The following STAG1 variants were observed in gnomAD, a reference collection of about 807,000 sequenced individuals.
STAG1 encodes STAG1 cohesin complex component, also known as cohesin subunit SA-1.
In STAG1, 26 loss-of-function variants were observed where a neutral mutation model predicts 170.9. That is an observed-to-expected ratio of 0.15 (90% confidence interval 0.11 to 0.21). The LOEUF (loss-of-function observed/expected upper bound fraction) is 0.21. STAG1 is among the 10% of genes least tolerant of loss of function. The pLI, the probability that STAG1 is intolerant of heterozygous loss-of-function variation, is 1.00. For synonymous variants in STAG1, 514 were observed against 497.7 expected, an observed-to-expected ratio of 1.03 and a Z score of -0.44; for missense variants, 964 against 1,509.5, an observed-to-expected ratio of 0.64 and a Z score of 5.99.
chr3:136,400,273 G>T (rs1287045124), intron 21 of STAG1, among the ~76,000 whole-genome samples: 2 of 152,154 alleles, frequency 1.3e-5, no homozygotes, highest in East Asian at 3.9e-4. Flanking sequence ...TGTTGCCCAG[G>T]CTGCAGTGCA....
chr3:136,700,704 T>C (rs1416575440), intron 1 of STAG1, among the ~76,000 whole-genome samples: 3 of 151,150 alleles, frequency 2.0e-5, no homozygotes, highest in African/African-American at 7.3e-5. Flanking sequence ...ACAGGCATAA[T>C]AGACCATAGA....
At chr3:136,740,809 C>T (rs764697054) in intron 1 of STAG1, among the ~76,000 whole-genome samples, 1 of 152,064 alleles carries the variant, frequency 6.6e-6, no homozygotes, top group Non-Finnish European at 1.5e-5. Context: ...CACATATTCA[C>T]CAGAACAAAG....
chr3:136,624,985 T>C (rs1469552530), intron 2 of STAG1, among the ~76,000 whole-genome samples: 1 of 152,222 alleles, frequency 6.6e-6, no homozygotes, highest in Non-Finnish European at 1.5e-5. Context: ...TTTAAGCTTA[T>C]ATAAGTTAAC....
At chr3:136,732,447 A>G (rs979769419) in intron 1 of STAG1, among the ~76,000 whole-genome samples, 3 of 152,302 alleles carry the variant, frequency 2.0e-5, no homozygotes, top group Non-Finnish European at 2.9e-5. Context: ...AAATTTATCA[A>G]CTACCAAAGA....
intron 28 of STAG1, among the ~76,000 whole-genome samples, chr3:136,355,186 C>G (rs1180403755): frequency 6.6e-6 from 1 of 151,394 alleles, no homozygotes; most frequent in African/African-American, 2.4e-5. Flanking sequence ...AACCCCATCT[C>G]TAATAAAAAT....
At chr3:136,453,983 A>G (rs1027745662) in intron 13 of STAG1, among the ~76,000 whole-genome samples, 2 of 152,120 alleles carry the variant, frequency 1.3e-5, no homozygotes, top group Admixed American at 6.6e-5. Flanking sequence ...TCTTGAAGCT[A>G]TATCTATAAT....
intron 4 of STAG1, among the ~76,000 whole-genome samples, chr3:136,589,462 C>T (rs539121449): frequency 2.6e-5 from 4 of 152,004 alleles, no homozygotes; most frequent in African/African-American, 9.6e-5. Flanking sequence ...CAAGACTGTG[C>T]CACTGCACTC....
chr3:136,405,823 G>GAAAAAAAAAAAAAAAAAAAA (rs2087467623), intron 21 of STAG1, among the ~76,000 whole-genome samples: 3 of 78,044 alleles, frequency 3.8e-5, no homozygotes, highest in Admixed American at 1.3e-4. Flanking sequence ...AAAAAAAAAG[G>GAAAAAAAAAAAAAAAAAAAA]AAAAATGTTA....
chr3:136,577,630 T>C (rs904453376), intron 4 of STAG1, among the ~76,000 whole-genome samples: 4 of 152,160 alleles, frequency 2.6e-5, no homozygotes, highest in African/African-American at 7.2e-5. Flanking sequence ...ATGCTCATTC[T>C]CCTGAAGACT....
chr3:136,529,950 T>C (rs1011268476), intron 6 of STAG1, among the ~76,000 whole-genome samples: 1 of 151,774 alleles, frequency 6.6e-6, no homozygotes, highest in African/African-American at 2.4e-5. Context: ...ACCAGATGAG[T>C]AGATAAAAGA....
chr3:136,563,658 A>C (rs1314020154), intron 5 of STAG1, among the ~76,000 whole-genome samples: 35 of 151,584 alleles, frequency 2.3e-4, no homozygotes, highest in South Asian at 6.2e-4. Context: ...AAAAAAAAAA[A>C]AAAAACAACA....
At chr3:136,489,928 A>G (rs1183275161) in intron 9 of STAG1, among the ~76,000 whole-genome samples, 3 of 152,214 alleles carry the variant, frequency 2.0e-5, no homozygotes, top group Non-Finnish European at 4.4e-5. Flanking sequence ...GAAAGGTAGT[A>G]ATGTGTAAGA....
chr3:136,722,174 G>C (rs1425601371), intron 1 of STAG1, among the ~76,000 whole-genome samples: 1 of 149,498 alleles, frequency 6.7e-6, no homozygotes, highest in Non-Finnish European at 1.5e-5. Context: ...AGTAAGCCAT[G>C]ACTGCATTCC....
In STAG1 at chr3:136,377,694, C is replaced by T; in HGVS notation, c.2336G>A (p.Cys779Tyr). ...CACTGGAGTATTAACATTAGACAGG[C>T]ACTGCTGGCAAACAGCCAAAAAGGA... is the stretch of plus-strand genomic sequence containing the variant. ...VKSFLAVCQQ[C>Y]LSNVNTPVKE... is the part of the protein sequence containing the mutation. Residue 779 changes from cysteine (C) to tyrosine (Y), a missense_variant, in exon 23 of 34, where the codon TGC (cysteine) becomes TAC (tyrosine). Transcript: ENST00000383202. The T allele has an allele frequency of 1.2e-6, 2 of 1,613,990 alleles. No individual in the cohort carries two copies. Among genetic ancestry groups the T allele is most frequent in the Non-Finnish European group, 8.5e-7 (1 of 1,179,952 alleles).
intron 6 of STAG1, among the ~76,000 whole-genome samples, chr3:136,531,625 T>C (rs376238275): frequency 6.1e-4 from 92 of 151,192 alleles, no homozygotes; most frequent in South Asian, 5.7e-3. Context: ...ATGGATGAAA[T>C]TGGAAATCAT....
chr3:136,642,114 C>T (rs867352019), intron 1 of STAG1, among the ~76,000 whole-genome samples: 3 of 152,092 alleles, frequency 2.0e-5, no homozygotes, highest in Non-Finnish European at 4.4e-5. Flanking sequence ...TAAGTTCCCC[C>T]TCCCTACTCC....
chr3:136,743,231 A>G (rs1288543755), intron 1 of STAG1, among the ~76,000 whole-genome samples: 58 of 152,026 alleles, frequency 3.8e-4, no homozygotes, highest in Non-Finnish European at 1.0e-4. Flanking sequence ...AGTCAGGCGT[A>G]GTGGAGGGCA....
chr3:136,568,682 A>T, intron 5 of STAG1, 83 bp downstream of exon 5: 1 of 884,124 alleles, frequency 1.1e-6, no homozygotes, highest in Non-Finnish European at 1.9e-6. Flanking sequence ...GGTAAATTAT[A>T]TACGACTAGT....
rs373101743 is a variant in STAG1 at position 136,469,089 on chromosome 3, C to G, written c.1205+3324G>C. ...TGAAAACTGGCACAAGACAGGGATG[C>G]CCTCTCTCACCACTCCTATTCAACA... On this transcript the variant is annotated intron_variant, in intron 12 of 33. Transcript: ENST00000383202. 7.8e-4 allele frequency among the ~76,000 whole-genome samples: 119 copies of G among 152,098 alleles called. No homozygotes were observed. The East Asian group carries it at 0.019, about 25-fold the overall frequency.
Sources: allele counts gnomAD v4.1 joint callset (sites outside exome capture counted in the v4.1 genomes callset), GRCh38; gene constraint gnomAD v4.1.1; transcripts MANE v1.5; gene names NCBI Gene and HGNC (gene_info 2026-07-23, HGNC 2026-07-21).